MPPED2: variants seen among roughly 807,000 people sequenced by gnomAD.
The protein encoded by MPPED2 is metallophosphoesterase domain containing 2.
In MPPED2, 5 loss-of-function variants were observed where a neutral mutation model predicts 33.0. The observed-to-expected ratio is 0.15, with a 90% confidence interval of 0.08 to 0.32. MPPED2 has a LOEUF of 0.32. Ranked by LOEUF, MPPED2 falls within the 10% of genes least tolerant of loss-of-function variation. MPPED2 has a pLI of 1.00. For missense variants in MPPED2, 275 were observed against 372.1 expected (o/e 0.74, Z 2.15); for synonymous variants, 136 against 141.9 (o/e 0.96, Z 0.29).
intron 4 of MPPED2, among the ~76,000 whole-genome samples, chr11:30,480,190 T>C (rs1429125411): frequency 1.3e-5 from 2 of 152,048 alleles, no homozygotes; most frequent in African/African-American, 4.8e-5. Flanking sequence ...CACTCATTAG[T>C]GATTATATAT....
chr11:30,469,959 G>T (rs1168912882), intron 4 of MPPED2, among the ~76,000 whole-genome samples: 2 of 152,144 alleles, frequency 1.3e-5, no homozygotes, highest in African/African-American at 4.8e-5. Flanking sequence ...AGTAGCTTCA[G>T]CCCAGCTAGA....
intron 4 of MPPED2, among the ~76,000 whole-genome samples, chr11:30,481,939 T>A (rs111402484): frequency 1.4e-4 from 22 of 152,254 alleles, no homozygotes; most frequent in African/African-American, 5.3e-4. Flanking sequence ...CACCTTCCCA[T>A]CTTTGAATGG....
intron 4 of MPPED2, among the ~76,000 whole-genome samples, chr11:30,488,795 A>G (rs1408567926): frequency 6.6e-6 from 1 of 152,172 alleles, no homozygotes; most frequent in African/African-American, 2.4e-5. Flanking sequence ...CTGTGCCAAG[A>G]AAAATGAAAT....
At chr11:30,409,217 C>A (rs535739688), downstream of MPPED2, among the ~76,000 whole-genome samples, 5 of 152,168 alleles carry the variant, frequency 3.3e-5, no homozygotes, top group Non-Finnish European at 7.3e-5. Context: ...GCTTCTAGTA[C>A]ACTAACCAGG....
At chr11:30,519,334 A>T (rs1565147801) in intron 3 of MPPED2, among the ~76,000 whole-genome samples, 1 of 151,972 alleles carries the variant, frequency 6.6e-6, no homozygotes, top group Non-Finnish European at 1.5e-5. Context: ...GTGGGTGTGT[A>T]TACATGAATA....
intron 4 of MPPED2, among the ~76,000 whole-genome samples, chr11:30,492,419 C>T (rs1338983441): frequency 1.3e-5 from 2 of 152,090 alleles, no homozygotes; most frequent in Non-Finnish European, 2.9e-5. Flanking sequence ...CTTAAATGTC[C>T]TGTGCCTTTT....
At chr11:30,466,323 T>C (rs553031273) in intron 4 of MPPED2, among the ~76,000 whole-genome samples, 1 of 152,334 alleles carries the variant, frequency 6.6e-6, no homozygotes, top group East Asian at 1.9e-4. Context: ...ATCTAGGAAT[T>C]AATATTAAAT....
chr11:30,443,050 T>A (rs1041343372), intron 4 of MPPED2, among the ~76,000 whole-genome samples: 11 of 152,146 alleles, frequency 7.2e-5, no homozygotes, highest in Non-Finnish European at 1.6e-4. Context: ...TCAAGTCACA[T>A]AAGAAATTCT....
At chr11:30,542,012 A>C (rs1175893315) in intron 2 of MPPED2, among the ~76,000 whole-genome samples, 1 of 152,244 alleles carries the variant, frequency 6.6e-6, no homozygotes, top group Non-Finnish European at 1.5e-5. Flanking sequence ...CAACCTGGAC[A>C]TACTATTTGA....
intron 3 of MPPED2, among the ~76,000 whole-genome samples, chr11:30,500,055 A>G (rs1276863563): frequency 1.3e-5 from 2 of 152,124 alleles, no homozygotes; most frequent in Non-Finnish European, 2.9e-5. Context: ...ATGGGCCACT[A>G]TATTAATAGA....
chr11:30,449,972 G>C (rs934668435), intron 4 of MPPED2, among the ~76,000 whole-genome samples: 1 of 152,048 alleles, frequency 6.6e-6, no homozygotes, highest in African/African-American at 2.4e-5. Context: ...TTGTTCAATG[G>C]TATAAGCCCC....
intron 4 of MPPED2, among the ~76,000 whole-genome samples, chr11:30,446,440 T>C (rs1353689396): frequency 6.6e-6 from 1 of 152,010 alleles, no homozygotes; most frequent in Non-Finnish European, 1.5e-5. Flanking sequence ...CAGATGTTAG[T>C]AGGCATGCTT....
intron 3 of MPPED2, among the ~76,000 whole-genome samples, chr11:30,533,701 T>C (rs1954660014): frequency 6.6e-6 from 1 of 152,096 alleles, no homozygotes; most frequent in Non-Finnish European, 1.5e-5. Flanking sequence ...TCTCTAACCA[T>C]ATCCCAGGGC....
rs182678634 is a variant in MPPED2 at position 30,386,610 on chromosome 11, C to A, written c.*2279G>T. The A allele has an allele frequency of 1.8e-3, 697 of 397,644 alleles. 1 individual carries two copies. In the Middle Eastern group the frequency reaches 0.02, roughly 11 times the overall value. 24.6% of individuals were successfully genotyped at this position (397,644 alleles called of 1,614,324 possible). On this transcript the variant is annotated 3_prime_UTR_variant, in exon 7 of 7. Coordinates refer to the MPPED2 transcript ENST00000448418. ...GACTAACACATGACTGTTTTCCCAG[C>A]ACCTAGAACAGTGTCTAGCACAGAG...
chr11:30,469,043 A>C (rs371279371), intron 4 of MPPED2: 2 of 152,218 alleles, frequency 1.3e-5, no homozygotes, highest in Admixed American at 6.5e-5. Flanking sequence ...ATCCTTACTC[A>C]TGCTATTTTG....
At chr11:30,522,127 A>G (rs1368306208) in intron 3 of MPPED2, among the ~76,000 whole-genome samples, 1 of 152,116 alleles carries the variant, frequency 6.6e-6, no homozygotes, top group Admixed American at 6.6e-5. Flanking sequence ...GAGTTTTAAA[A>G]CTGACTGCAG....
intron 3 of MPPED2, among the ~76,000 whole-genome samples, chr11:30,526,792 T>G (rs1253816563): frequency 6.6e-6 from 1 of 152,138 alleles, no homozygotes; most frequent in African/African-American, 2.4e-5. Flanking sequence ...AACATTCCAG[T>G]GAGGCTGCTC....
At chr11:30,495,544 C>A in intron 3 of MPPED2, 23 bp from the exon 4 acceptor site, 1 of 1,548,604 alleles carries the variant, frequency 6.5e-7, no homozygotes. Context: ...AAAAGAGCAC[C>A]AATTAGCACG....
chr11:30,420,826 T>A, intron 4 of MPPED2, among the ~76,000 whole-genome samples: 1 of 152,302 alleles, frequency 6.6e-6, no homozygotes, highest in Middle Eastern at 3.4e-3. Context: ...TATTAGAGTC[T>A]AAAATACAGC....
Sources: gnomAD v4.1 joint callset for allele counts (sites outside exome capture counted in the v4.1 genomes callset) on GRCh38, gnomAD v4.1.1 for gene constraint, MANE v1.5 for transcripts, NCBI Gene and HGNC (gene_info 2026-07-23, HGNC 2026-07-21) for gene names.